ADAM22: variants seen among roughly 807,000 people sequenced by gnomAD.
The protein encoded by ADAM22 is disintegrin and metalloproteinase domain-containing protein 22.
Under a neutral mutation model 144.6 loss-of-function variants are expected in ADAM22, and 65 were observed. That is an observed-to-expected ratio of 0.45 (90% CI 0.37 to 0.55). The LOEUF (loss-of-function observed/expected upper bound fraction) is 0.55, where lower values mean the gene tolerates loss of function less well. Ranked by LOEUF, ADAM22 falls within the 20% of genes least tolerant of loss-of-function variation. The probability of loss-of-function intolerance (pLI) is 0.00; values close to 1 mark genes in which losing one functional copy is unlikely to be tolerated. For synonymous variants in ADAM22, 391 were observed against 412.6 expected, an observed-to-expected ratio of 0.95 and a Z score of 0.63; for missense variants, 974 against 1,184.9, an observed-to-expected ratio of 0.82 and a Z score of 2.61.
intron 4 of ADAM22, among the ~76,000 whole-genome samples, 181 bp from the exon 5 acceptor site, chr7:88,107,995 C>T (rs184119962): frequency 5.9e-5 from 9 of 152,276 alleles, no homozygotes; most frequent in East Asian, 5.8e-4. Context: ...TTAGAGTCAG[C>T]TCACTCAGAG....
At chr7:88,163,612 A>T (rs1563366214) in intron 23 of ADAM22, among the ~76,000 whole-genome samples, 1 of 152,102 alleles carries the variant, frequency 6.6e-6, no homozygotes, top group African/African-American at 2.4e-5. Flanking sequence ...CTGTAGCCAC[A>T]CCAGCGTGTA....
intron 22 of ADAM22, among the ~76,000 whole-genome samples, chr7:88,157,817 G>T (rs1397033997): frequency 6.6e-6 from 1 of 152,122 alleles, no homozygotes; most frequent in Non-Finnish European, 1.5e-5. Context: ...GAGAGGCAGA[G>T]AACTGCTTTA....
chr7:88,007,983 T>A (rs1040389586), intron 3 of ADAM22, among the ~76,000 whole-genome samples: 1 of 151,638 alleles, frequency 6.6e-6, no homozygotes, highest in African/African-American at 2.4e-5. Context: ...TGGGAGAAAA[T>A]TTTTGCAACC....
Position 88,199,139 on chromosome 7 carries a change from AT to A in ADAM22, c.*2649del, listed in dbSNP as rs1850960634. ...CATCCACCGAGGTAGGTAGCATTAA[AT>A]ATACAAGCACAGCATTATTTCTCTT... On this transcript the variant is annotated 3_prime_UTR_variant, in exon 32 of 32. Coordinates refer to ENST00000413139, the MANE Select transcript of ADAM22 (RefSeq NM_001324418.2). 1 of 152,370 alleles carries A rather than the reference AT, an allele frequency of 6.6e-6. No homozygotes were observed. Among genetic ancestry groups the A allele is most frequent in the Admixed American group, 6.5e-5 (1 of 15,308 alleles). The allele number at this position is 152,370 out of a possible 1,614,324, so 9.4% of individuals were successfully genotyped here. A position where few individuals can be genotyped will look rare whatever the true frequency, so the allele number is the denominator to read the frequency against.
At chr7:88,102,676 C>T (rs566248746) in intron 4 of ADAM22, among the ~76,000 whole-genome samples, 1 of 152,260 alleles carries the variant, frequency 6.6e-6, no homozygotes, top group South Asian at 2.1e-4. Flanking sequence ...TGCACAAACT[C>T]TCTGGGCAAG....
chr7:87,954,963 C>T (rs1238935669), intron 2 of ADAM22, among the ~76,000 whole-genome samples: 6 of 152,158 alleles, frequency 3.9e-5, no homozygotes, highest in African/African-American at 7.2e-5. Context: ...ACGTAGTTCT[C>T]GAGCCTTGGC....
chr7:88,135,075 C>T (rs1004719831), intron 13 of ADAM22, among the ~76,000 whole-genome samples: 16 of 151,626 alleles, frequency 1.1e-4, no homozygotes, highest in African/African-American at 3.6e-4. Flanking sequence ...GTCAGGTGTT[C>T]GAGACCAGCT....
At chr7:88,137,245 A>G (rs2129505940) in intron 14 of ADAM22, among the ~76,000 whole-genome samples, 1 of 152,306 alleles carries the variant, frequency 6.6e-6, no homozygotes, top group South Asian at 2.1e-4. Flanking sequence ...TCCTGTTAAT[A>G]TACAATTCTT....
chr7:88,130,326 TGATGA>T lies in ADAM22; in HGVS notation c.754-56_754-52del, dbSNP rs1831448079. ...TCTTTCAATTGCACCATGTTTTCTC[TGATGA>T]GATGATTGTTTTCTGATCACTTTGC... On this transcript the variant is annotated intron_variant, in intron 9 of 31. Transcript: ENST00000413139. The T allele has an allele frequency of 1.5e-6, 2 of 1,323,372 alleles. 1 individual carries two copies. Among genetic ancestry groups the T allele is most frequent in the Non-Finnish European group, 2.1e-6 (2 of 937,256 alleles). The allele number at this position is 1,323,372 out of a possible 1,614,324, so 82.0% of individuals were successfully genotyped here. A position where few individuals can be genotyped will look rare whatever the true frequency, so the allele number is the denominator to read the frequency against.
intron 3 of ADAM22, among the ~76,000 whole-genome samples, chr7:88,001,740 T>A (rs1426584570): frequency 6.6e-6 from 1 of 151,908 alleles, no homozygotes; most frequent in Non-Finnish European, 1.5e-5. Flanking sequence ...ATTTCCTCCT[T>A]GGCATGGTGG....
chr7:88,072,062 A>G (rs1166179445), intron 3 of ADAM22, among the ~76,000 whole-genome samples: 3 of 152,212 alleles, frequency 2.0e-5, no homozygotes, highest in African/African-American at 7.2e-5. Flanking sequence ...GGTTTAGTAG[A>G]GGGAAAAGTG....
At chr7:88,095,918 C>T (rs1276031960) in intron 4 of ADAM22, among the ~76,000 whole-genome samples, 1 of 147,082 alleles carries the variant, frequency 6.8e-6, no homozygotes, top group Non-Finnish European at 1.5e-5. Flanking sequence ...TACTCTCTCC[C>T]CACCCGCCCC....
At chr7:88,122,280 G>A (rs1428685812) in intron 7 of ADAM22, among the ~76,000 whole-genome samples, 4 of 152,184 alleles carry the variant, frequency 2.6e-5, no homozygotes, top group Non-Finnish European at 5.9e-5. Flanking sequence ...CAGTAAGGAA[G>A]AGAGTCTCTA....
intron 3 of ADAM22, among the ~76,000 whole-genome samples, chr7:88,010,003 C>G (rs1383890001): frequency 2.6e-5 from 4 of 151,188 alleles, no homozygotes; most frequent in Non-Finnish European, 5.9e-5. Flanking sequence ...TACAACCATT[C>G]CAACCCGTTA....
At chr7:87,959,273 T>C (rs1221241332) in intron 2 of ADAM22, among the ~76,000 whole-genome samples, 3 of 152,202 alleles carry the variant, frequency 2.0e-5, no homozygotes, top group South Asian at 2.1e-4. Context: ...TGAATAAGAA[T>C]AGTACCCAGT....
chr7:88,103,090 A>G (rs568214983), intron 4 of ADAM22, among the ~76,000 whole-genome samples: 1 of 152,274 alleles, frequency 6.6e-6, no homozygotes, highest in South Asian at 2.1e-4. Context: ...AAATTCAGAG[A>G]AGGAGGGGTT....
intron 3 of ADAM22, among the ~76,000 whole-genome samples, chr7:88,049,248 G>C (rs1805519269): frequency 6.6e-6 from 1 of 152,170 alleles, no homozygotes; most frequent in African/African-American, 2.4e-5. Flanking sequence ...TTGTAAAATG[G>C]GGAGTTAGAA....
rs534923031 is a variant in ADAM22, at chr7:88,019,786, G to T, written c.323+41374G>T. Among the ~76,000 whole-genome samples the T allele has an allele frequency of 1.4e-3, 215 of 151,842 alleles. 11 individuals carry two copies. In the South Asian group the frequency reaches 0.044, roughly 31 times the overall value. On this transcript the variant is annotated intron_variant, in intron 3 of 31. Transcript: ENST00000413139. ...AATCACCTGAACCTGGGAGGCGGAGGTTGCAGTGAGCCGAGGTTGTGCCAT... is the reference window on the plus strand; with the variant it reads ...AATCACCTGAACCTGGGAGGCGGAGTTTGCAGTGAGCCGAGGTTGTGCCAT...
intron 3 of ADAM22, among the ~76,000 whole-genome samples, chr7:87,985,812 T>C (rs1788340589): frequency 1.3e-5 from 2 of 152,194 alleles, no homozygotes; most frequent in South Asian, 2.1e-4. Flanking sequence ...TTTTCATTTC[T>C]CTTGGATAGA....
Sources: allele counts gnomAD v4.1 joint callset (sites outside exome capture counted in the v4.1 genomes callset), GRCh38; gene constraint gnomAD v4.1.1; transcripts MANE v1.5; gene names NCBI Gene and HGNC (gene_info 2026-07-23, HGNC 2026-07-21).